Variants in AVEN observed in about 807,000 individuals in gnomAD.
AVEN encodes apoptosis and caspase activation inhibitor, also known as cell death regulator Aven.
Under a neutral mutation model 38.1 loss-of-function variants are expected in AVEN, and 41 were observed. That is an observed-to-expected ratio of 1.08 (90% CI 0.84 to 1.40). The LOEUF (loss-of-function observed/expected upper bound fraction) is 1.40, where lower values mean the gene tolerates loss of function less well. Among genes scored for constraint, AVEN ranks in the 40% most tolerant of loss-of-function variants. The probability of loss-of-function intolerance (pLI) is 0.00; values close to 1 mark genes in which losing one functional copy is unlikely to be tolerated. For synonymous variants in AVEN, 206 were observed against 171.8 expected, an observed-to-expected ratio of 1.20 and a Z score of -1.56; for missense variants, 605 against 438.8, an observed-to-expected ratio of 1.38 and a Z score of -3.38.
chr15:34,006,725 A>AC (rs1567462513), intron 1 of AVEN, among the ~76,000 whole-genome samples: 1 of 152,178 alleles, frequency 6.6e-6, no homozygotes, highest in Non-Finnish European at 1.5e-5. Flanking sequence ...GGATCTCATT[A>AC]CCCCTACACA....
intron 2 of AVEN, among the ~76,000 whole-genome samples, chr15:33,956,217 C>T (rs1463510495): frequency 1.3e-5 from 2 of 152,184 alleles, no homozygotes; most frequent in Non-Finnish European, 2.9e-5. Flanking sequence ...ACGCCTGCCC[C>T]TACATTAGCT....
At chr15:34,040,325 G>T (rs1157177351), upstream of AVEN, among the ~76,000 whole-genome samples, 1 of 152,104 alleles carries the variant, frequency 6.6e-6, no homozygotes, top group Admixed American at 6.6e-5. Flanking sequence ...ATATTTAAAC[G>T]GGTTACCCAA....
At chr15:34,010,628 T>C (rs1388780119) in intron 1 of AVEN, among the ~76,000 whole-genome samples, 1 of 152,180 alleles carries the variant, frequency 6.6e-6, no homozygotes, top group Non-Finnish European at 1.5e-5. Flanking sequence ...AAAAGGTAAA[T>C]TATATCATAG....
At chr15:33,983,148 G>GTGTGTGTGTGTGTA (rs1555512733) in intron 2 of AVEN, among the ~76,000 whole-genome samples, 1 of 137,546 alleles carries the variant, frequency 7.3e-6, no homozygotes, top group Non-Finnish European at 1.5e-5. Flanking sequence ...GTGTGTGTGT[G>GTGTGTGTGTGTGTA]TGTGTGTGTG....
intron 2 of AVEN, among the ~76,000 whole-genome samples, chr15:33,941,407 G>T (rs755347024): frequency 6.6e-6 from 1 of 152,076 alleles, no homozygotes; most frequent in East Asian, 1.9e-4. Context: ...CGAACAGTAA[G>T]ACTTTCCTCC....
chr15:33,886,871 T>A (rs982307704), intron 2 of AVEN, among the ~76,000 whole-genome samples: 1 of 152,208 alleles, frequency 6.6e-6, no homozygotes, highest in East Asian at 1.9e-4. Flanking sequence ...TGCTCTGCCA[T>A]GCCTGGGGAG....
At chr15:33,876,094 C>G (rs920417901) in intron 2 of AVEN, 99 bp from the exon 3 acceptor site, 27 of 1,077,502 alleles carry the variant, frequency 2.5e-5, no homozygotes, top group Admixed American at 1.4e-4. Context: ...TTCTGAAGTG[C>G]TCAAACTCAA....
At chr15:33,902,031 T>C (rs1892516503) in intron 2 of AVEN, among the ~76,000 whole-genome samples, 1 of 152,240 alleles carries the variant, frequency 6.6e-6, no homozygotes, top group African/African-American at 2.4e-5. Flanking sequence ...CCTAATTTGA[T>C]ATAGTTCATG....
chr15:34,072,023 T>C (rs1347389911), intron 1 of AVEN, among the ~76,000 whole-genome samples: 1 of 152,132 alleles, frequency 6.6e-6, no homozygotes, highest in Non-Finnish European at 1.5e-5. Context: ...TCCAGCACTT[T>C]GGGAGGCTGA....
intron 5 of AVEN, among the ~76,000 whole-genome samples, chr15:34,061,918 T>G (rs986131268): frequency 6.6e-6 from 1 of 152,200 alleles, no homozygotes; most frequent in Non-Finnish European, 1.5e-5. Flanking sequence ...TACCACTTTT[T>G]CCCCAGTGCA....
intron 2 of AVEN, among the ~76,000 whole-genome samples, chr15:33,978,363 A>G (rs1895982258): frequency 6.6e-6 from 1 of 152,134 alleles, no homozygotes; most frequent in South Asian, 2.1e-4. Context: ...AAAACATCAA[A>G]TGAAAATTAA....
chr15:33,923,244 C>T, intron 2 of AVEN, among the ~76,000 whole-genome samples: 1 of 152,130 alleles, frequency 6.6e-6, no homozygotes, highest in East Asian at 1.9e-4. Flanking sequence ...TTTAGCCAAA[C>T]ATTGTTTTAC....
intron 1 of AVEN, among the ~76,000 whole-genome samples, chr15:34,032,026 C>A (rs1389990090): frequency 6.6e-6 from 1 of 151,098 alleles, no homozygotes; most frequent in Admixed American, 6.6e-5. Context: ...CGCACACGCA[C>A]ACACACACAC....
At chr15:33,936,631 G>A (rs1357669958) in intron 2 of AVEN, among the ~76,000 whole-genome samples, 3 of 152,128 alleles carry the variant, frequency 2.0e-5, no homozygotes, top group African/African-American at 4.8e-5. Flanking sequence ...CTTGTTTTGT[G>A]TGTGTCTGTG....
intron 4 of AVEN, chr15:34,065,816 TGTCA>T (rs1298894103): frequency 6.6e-6 from 1 of 152,220 alleles, no homozygotes; most frequent in African/African-American, 2.4e-5. Context: ...GAAGCACTCC[TGTCA>T]GACATTATTT....
At chr15:34,073,951 A>G (rs1900682528) in intron 1 of AVEN, among the ~76,000 whole-genome samples, 1 of 149,862 alleles carries the variant, frequency 6.7e-6, no homozygotes, top group African/African-American at 2.5e-5. Flanking sequence ...GAGAAAAAAC[A>G]ATTACTGTTT....
At chr15:33,860,972 T>C in intron 11 of AVEN, 1 of 918,980 alleles carries the variant, frequency 1.1e-6, no homozygotes, top group Non-Finnish European at 1.7e-6. Context: ...CCAAAAGCAT[T>C]AGAAAGAAAG....
chr15:33,887,746 TTTA>T (rs1334260002), intron 2 of AVEN, among the ~76,000 whole-genome samples: 1 of 152,184 alleles, frequency 6.6e-6, no homozygotes, highest in African/African-American at 2.4e-5. Flanking sequence ...ATTCTCTCCC[TTTA>T]TTATTTTATA....
intron 2 of AVEN, among the ~76,000 whole-genome samples, chr15:33,981,868 T>C (rs1896162975): frequency 6.6e-6 from 1 of 152,124 alleles, no homozygotes. Flanking sequence ...GGAGTCTCAC[T>C]CTGTTGCCCA....
Sources: allele counts gnomAD v4.1 joint callset (sites outside exome capture counted in the v4.1 genomes callset), GRCh38; gene constraint gnomAD v4.1.1; transcripts MANE v1.5; gene names NCBI Gene and HGNC (gene_info 2026-07-23, HGNC 2026-07-21).